RIMS3: variants seen among roughly 807,000 people sequenced by gnomAD.
RIMS3 encodes the protein regulating synaptic membrane exocytosis protein 3.
In RIMS3, 15 loss-of-function variants were observed where a neutral mutation model predicts 29.2. The ratio of observed to expected loss-of-function variants is 0.51; its 90% CI spans 0.34 to 0.79. RIMS3 has a LOEUF of 0.79. Ranked by LOEUF, RIMS3 falls within the 30% of genes least tolerant of loss-of-function variation. RIMS3 has a pLI of 0.01. For missense variants in RIMS3, 342 were observed against 421.4 expected (o/e 0.81, Z 1.65); for synonymous variants, 161 against 170.1 (o/e 0.95, Z 0.41).
At chr1:40,664,292 G>T (rs1642394917) in intron 1 of RIMS3, among the ~76,000 whole-genome samples, 1 of 148,848 alleles carries the variant, frequency 6.7e-6, no homozygotes, top group African/African-American at 2.5e-5. Context: ...CTACCCACAT[G>T]CCCCCAGGGA....
the RIMS3 span, among the ~76,000 whole-genome samples, chr1:40,673,164 G>A: frequency 6.6e-6 from 1 of 152,040 alleles, no homozygotes; most frequent in East Asian, 1.9e-4. Flanking sequence ...TGGAGACACA[G>A]CAAGGCTCCA....
chr1:40,640,504 T>C (rs528657232), intron 3 of RIMS3, among the ~76,000 whole-genome samples: 6 of 152,230 alleles, frequency 3.9e-5, no homozygotes, highest in Admixed American at 2.0e-4. Flanking sequence ...TTGATGAGCA[T>C]TCTCCCTGGA....
Position 40,623,860 on chromosome 1 carries a change from T to G in RIMS3, c.*2657A>C. 2.4e-5 allele frequency: 6 copies of G among 246,510 alleles called. No individual in the cohort carries two copies. Among genetic ancestry groups the G allele is most frequent in the East Asian group, 7.6e-5 (1 of 13,084 alleles). 15.3% of individuals were successfully genotyped at this position (246,510 alleles called of 1,614,324 possible). A position where few individuals can be genotyped will look rare whatever the true frequency, so the allele number is the denominator to read the frequency against. On this transcript the variant is annotated 3_prime_UTR_variant, in exon 8 of 8. Transcript: ENST00000372684. ...CAGACGTGTCAGCCTCACACAACTTTACCCTCATGGGGTAAAATCCAGGTG... is the reference window on the plus strand; with the variant it reads ...CAGACGTGTCAGCCTCACACAACTTGACCCTCATGGGGTAAAATCCAGGTG...
Position 40,625,046 on chromosome 1 carries a change from G to A in RIMS3, c.*1471C>T, listed in dbSNP as rs1646445251. 6.6e-6 allele frequency: 1 copy of A among 152,488 alleles called. No individual in the cohort carries two copies. The highest frequency in any genetic ancestry group is 2.1e-4 in the South Asian group (1 of 4,818). The allele number at this position is 152,488 out of a possible 1,614,324, so 9.4% of individuals were successfully genotyped here. On this transcript the variant is annotated 3_prime_UTR_variant, in exon 8 of 8. Transcript: ENST00000372684. ...GCAACCTCTCGCCTTTCACCCTAGA[G>A]CTGAGGAGGGACAGGGACAGGTCTG...
the RIMS3 span, among the ~76,000 whole-genome samples, chr1:40,677,505 T>C: frequency 6.6e-5 from 10 of 151,200 alleles, no homozygotes; most frequent in African/African-American, 2.4e-4. Context: ...GAGACCATCC[T>C]GGCTAACACG....
At chr1:40,660,147 G>A (rs574166365) in intron 1 of RIMS3, among the ~76,000 whole-genome samples, 1 of 152,270 alleles carries the variant, frequency 6.6e-6, no homozygotes, top group Admixed American at 6.5e-5. Context: ...GCTTGCTGAG[G>A]ACTGGTTATA....
the RIMS3 span, chr1:40,673,563 A>G: frequency 6.6e-6 from 1 of 151,848 alleles, no homozygotes; most frequent in Non-Finnish European, 1.5e-5. Context: ...TCACACCCCC[A>G]CTCTAGCTTT....
At chr1:40,659,187 T>A (rs113840196) in intron 1 of RIMS3, among the ~76,000 whole-genome samples, 3,348 of 152,044 alleles carry the variant, frequency 0.022, 56 homozygotes, top group Non-Finnish European at 0.033. Flanking sequence ...TGGGGAGGCA[T>A]TACAAGCAAA....
upstream of RIMS3, among the ~76,000 whole-genome samples, chr1:40,668,632 G>GA (rs1256478105): frequency 5.3e-5 from 8 of 151,800 alleles, no homozygotes; most frequent in East Asian, 1.4e-3. Context: ...TAATGTATCA[G>GA]AAAAAAGACA....
upstream of RIMS3, among the ~76,000 whole-genome samples, chr1:40,668,249 CA>C (rs35624303): frequency 0.022 from 2,318 of 106,314 alleles, 45 homozygotes; most frequent in African/African-American, 0.06. Flanking sequence ...GACTCTGTCT[CA>C]AAAAAAAAAA....
intron 1 of RIMS3, among the ~76,000 whole-genome samples, chr1:40,656,766 A>G (rs1642279615): frequency 1.3e-5 from 2 of 150,186 alleles, no homozygotes; most frequent in Admixed American, 6.6e-5. Context: ...CTGGGCAACA[A>G]GAGCGAAACT....
At chr1:40,671,372 G>C in the RIMS3 span, among the ~76,000 whole-genome samples, 7 of 152,230 alleles carry the variant, frequency 4.6e-5, no homozygotes, top group Non-Finnish European at 1.0e-4. Context: ...ACAAAACTAA[G>C]ATTGTTGGTG....
chr1:40,642,969 AAT>A lies in RIMS3; in HGVS notation c.-31-1015_-31-1014del, dbSNP rs1200269191. On this transcript the variant is annotated intron_variant, in intron 2 of 7. Transcript: ENST00000372684. The stretch of plus-strand genomic sequence containing the variant: ...AGACTCTGTCTCAAAAAAAAAAAAA[AAT>A]ATTATATCATAAGCATTTCCCAATG... Among the ~76,000 whole-genome samples the A allele has an allele frequency of 3.5e-5, 5 of 144,658 alleles. No homozygotes were observed. In the South Asian group the frequency reaches 1.1e-3, roughly 31 times the overall value. 94.9% of individuals were successfully genotyped at this position (144,658 alleles called of 152,430 possible).
the RIMS3 span, among the ~76,000 whole-genome samples, chr1:40,673,852 T>A: frequency 1.6e-4 from 25 of 152,356 alleles, no homozygotes; most frequent in East Asian, 1.9e-3. Flanking sequence ...GATCACTCTC[T>A]GAGCCTGTTT....
chr1:40,640,045 C>T (rs587963), intron 3 of RIMS3, among the ~76,000 whole-genome samples: 119,071 of 152,124 alleles, frequency 0.78, 47,286 homozygotes, highest in African/African-American at 0.9. Context: ...CTCAGGTCCC[C>T]ATCCTGGCCT....
the RIMS3 span, among the ~76,000 whole-genome samples, chr1:40,673,746 T>C: frequency 6.6e-6 from 1 of 152,190 alleles, no homozygotes. Context: ...TAGGCCAAGA[T>C]GGTCCCCTGT....
chr1:40,626,296 G>A lies in RIMS3; in HGVS notation c.*221C>T, dbSNP rs1355668071. The A allele has an allele frequency of 1.0e-5, 6 of 600,838 alleles. No homozygotes were observed. The highest frequency in any genetic ancestry group is 8.1e-5 in the Admixed American group (3 of 37,062). The allele number at this position is 600,838 out of a possible 1,614,324, so 37.2% of individuals were successfully genotyped here. A position where few individuals can be genotyped will look rare whatever the true frequency, so the allele number is the denominator to read the frequency against. Reference sequence around the variant, plus strand: ...TCATCACCAGGAGTGACTATACCCAGACAAATGAACAGATAGAACGTGGTC... The same window carrying A: ...TCATCACCAGGAGTGACTATACCCAAACAAATGAACAGATAGAACGTGGTC... On this transcript the variant is annotated 3_prime_UTR_variant, in exon 8 of 8. Transcript: ENST00000372684.
rs534394604 is a variant in RIMS3 at position 40,653,099 on chromosome 1, G to C, written c.-206-5257C>G. 7.2e-5 allele frequency among the ~76,000 whole-genome samples: 11 copies of C among 152,304 alleles called. No individual in the cohort carries two copies. In the South Asian group the frequency reaches 2.3e-3, roughly 32 times the overall value. On this transcript the variant is annotated intron_variant, in intron 1 of 7. Transcript: ENST00000372684. Reference sequence around the variant, plus strand: ...GAAGATGAATTCCCAGTTTAGTCCCGATGGGTCTGAGATAATGCTGCAACT... The same window carrying C: ...GAAGATGAATTCCCAGTTTAGTCCCCATGGGTCTGAGATAATGCTGCAACT...
At chr1:40,666,101 G>T (rs1021255914), upstream of RIMS3, among the ~76,000 whole-genome samples, 1 of 152,206 alleles carries the variant, frequency 6.6e-6, no homozygotes, top group Non-Finnish European at 1.5e-5. Flanking sequence ...TTTACAGATG[G>T]AAAATCTGAA....
Sources: allele counts gnomAD v4.1 joint callset (sites outside exome capture counted in the v4.1 genomes callset), GRCh38; gene constraint gnomAD v4.1.1; transcripts MANE v1.5; gene names NCBI Gene and HGNC (gene_info 2026-07-23, HGNC 2026-07-21).